Variants in PCDHGB4 observed in about 807,000 individuals in gnomAD.
PCDHGB4 encodes the protein protocadherin gamma-B4.
PCDHGB4 carries 38 observed loss-of-function variants against 60.5 expected under a neutral mutation model. The observed-to-expected ratio is 0.63, with a 90% confidence interval of 0.48 to 0.82. The LOEUF is 0.82. Among genes scored for constraint, PCDHGB4 ranks in the 40% least tolerant of loss-of-function variants. PCDHGB4 has a pLI of 0.00. For missense variants in PCDHGB4, 1,109 were observed against 1,209.6 expected (o/e 0.92, Z 1.23); for synonymous variants, 456 against 509.7 (o/e 0.89, Z 1.42).
chr5:141,421,530 C>A, intron 1 of PCDHGB4: 1 of 1,614,040 alleles, frequency 6.2e-7, no homozygotes, highest in Non-Finnish European at 8.5e-7. Context: ...AGACGGTGTC[C>A]TCCTGTTTTT....
At chr5:141,433,266 T>C in intron 1 of PCDHGB4, 1 of 1,315,306 alleles carries the variant, frequency 7.6e-7, no homozygotes, top group Non-Finnish European at 1.1e-6. Flanking sequence ...CGATCATAGC[T>C]CACTGCAGCC....
chr5:141,389,837 A>C lies in PCDHGB4; in HGVS notation c.1953A>C (p.Pro651=). The C allele has an allele frequency of 1.2e-6, 2 of 1,613,842 alleles. No individual in the cohort carries two copies. Among genetic ancestry groups the C allele is most frequent in the South Asian group, 2.2e-5 (2 of 91,066 alleles). The change falls in exon 1 of 4, where the codon CCA becomes CCC. Residue 651 remains proline (P), a synonymous_variant. Transcript: ENST00000519479. ...CCGTGCGTGACGGTGGACAGCCACC[A>C]CTCTCGGCCACTGCCACGTTGCACC... ...LVAVRDGGQP[P]LSATATLHLV...
Position 141,491,900 on chromosome 5 carries a change from G to T in PCDHGB4, c.2398-2907G>T. The T allele has an allele frequency of 7.0e-7, 1 of 1,429,936 alleles. No homozygotes were observed. The highest frequency in any genetic ancestry group is 1.5e-5 in the South Asian group (1 of 67,072). 88.6% of individuals were successfully genotyped at this position (1,429,936 alleles called of 1,614,324 possible). A position where few individuals can be genotyped will look rare whatever the true frequency, so the allele number is the denominator to read the frequency against. ...TAAGGGATGGGGCTCCGAGCACCGG[G>T]GGTGGTGGCGACTGTGGGCGAGGGG... On this transcript the variant is annotated intron_variant, in intron 1 of 3. Transcript: ENST00000519479. This position sits in a 1 kb window ranked among gnomAD's most constrained non-coding sequence, Gnocchi z 6.9.
At chr5:141,434,035 T>C (rs2154556047) in intron 1 of PCDHGB4, among the ~76,000 whole-genome samples, 1 of 152,316 alleles carries the variant, frequency 6.6e-6, no homozygotes, top group Non-Finnish European at 1.5e-5. Flanking sequence ...AAGCATGGTT[T>C]TCTATTTTAT....
intron 1 of PCDHGB4, chr5:141,415,357 C>T: frequency 6.2e-7 from 1 of 1,614,250 alleles, no homozygotes; most frequent in Non-Finnish European, 8.5e-7. Context: ...CAAGTCACGC[C>T]TGCTGCAGGC....
At position 141,388,940 on chromosome 5, in the gene PCDHGB4, C is replaced by A. The variant is rs762814414; in HGVS notation, c.1056C>A (p.Asn352Lys). The part of the protein sequence containing the change: ...APEVIFQSLP[N>K]LIMEDAELGT... ...AAGTGATATTCCAGTCTCTACCCAA[C>A]CTAATTATGGAGGACGCCGAGCTGG... Residue 352 changes from asparagine (N) to lysine (K), a missense_variant, in exon 1 of 4, where the codon AAC becomes AAA. Coordinates refer to ENST00000519479, the MANE Select transcript of PCDHGB4 (RefSeq NM_003736.4). 6.2e-7 allele frequency: 1 copy of A among 1,613,966 alleles called. No individual in the cohort carries two copies. The highest frequency in any genetic ancestry group is 1.1e-5 in the South Asian group (1 of 91,084).
chr5:141,458,464 G>A (rs1035826436), intron 1 of PCDHGB4, among the ~76,000 whole-genome samples: 30 of 152,030 alleles, frequency 2.0e-4, no homozygotes, highest in Admixed American at 9.8e-4. Flanking sequence ...TTAAAATACC[G>A]TACAACTGCA....
intron 1 of PCDHGB4, chr5:141,421,138 G>T (rs2096548427): frequency 1.1e-6 from 1 of 899,466 alleles, no homozygotes. Context: ...ATATATTTTG[G>T]ATGTAGTCGG....
intron 2 of PCDHGB4, among the ~76,000 whole-genome samples, chr5:141,499,689 C>CTTTTTTT (rs545067566): frequency 3.3e-5 from 4 of 119,856 alleles, no homozygotes; most frequent in Admixed American, 8.7e-5. Context: ...TAACAGATGA[C>CTTTTTTT]TTTTTTTTTT....
At chr5:141,494,736 T>C in intron 1 of PCDHGB4, 71 bp from the exon 2 acceptor site, 1 of 1,611,858 alleles carries the variant, frequency 6.2e-7, no homozygotes, top group Non-Finnish European at 8.5e-7. Context: ...TCCCGGCCCA[T>C]CCCTAGGGGC....
At chr5:141,462,984 T>G (rs1349170605) in intron 1 of PCDHGB4, among the ~76,000 whole-genome samples, 1 of 152,156 alleles carries the variant, frequency 6.6e-6, no homozygotes, top group African/African-American at 2.4e-5. Context: ...ACTTTTGCCT[T>G]GGGCTAATTT....
In PCDHGB4 at chr5:141,481,399, T is replaced by G. The variant is rs35677249; in HGVS notation, c.2398-13408T>G. 1.9e-3 allele frequency among the ~76,000 whole-genome samples: 284 copies of G among 152,356 alleles called. 1 individual carries two copies. Among genetic ancestry groups the G allele is most frequent in the Middle Eastern group, 0.01 (3 of 294 alleles). ...TTCTTTTTGGAGGGATGTGACAAAA[T>G]TCTTGTATAATTAGATTGTGATGAT... is the stretch of plus-strand genomic sequence containing the variant. On this transcript the variant is annotated intron_variant, in intron 1 of 3. Transcript: ENST00000519479.
chr5:141,448,524 T>C (rs1177408162), intron 1 of PCDHGB4, among the ~76,000 whole-genome samples: 1 of 152,194 alleles, frequency 6.6e-6, no homozygotes, highest in Non-Finnish European at 1.5e-5. Context: ...TTATTAAGCA[T>C]CCTGTCAGCA....
At chr5:141,406,025 G>A (rs1367856742) in intron 1 of PCDHGB4, among the ~76,000 whole-genome samples, 1 of 151,502 alleles carries the variant, frequency 6.6e-6, no homozygotes, top group Non-Finnish European at 1.5e-5. Flanking sequence ...TTTTGGGTAG[G>A]GTTGCTTCAT....
At chr5:141,402,434 A>C (rs2150931474) in intron 1 of PCDHGB4, among the ~76,000 whole-genome samples, 1 of 152,272 alleles carries the variant, frequency 6.6e-6, no homozygotes, top group East Asian at 1.9e-4. Flanking sequence ...AAGCATCATA[A>C]AAAGGAAATT....
chr5:141,487,485 G>A lies in PCDHGB4; in HGVS notation c.2398-7322G>A. On this transcript the variant is annotated intron_variant, in intron 1 of 3. Transcript: ENST00000519479. The surrounding 1 kb of genome is among the most constrained non-coding windows in gnomAD (Gnocchi z 5.0). ...GTTGATGTGGGAGGCCACTCTCATG[G>A]CTGTACACCCTTGGCTTCTGCACCC... The A allele has an allele frequency of 6.2e-7, 1 of 1,614,164 alleles. No homozygotes were observed. Among genetic ancestry groups the A allele is most frequent in the Non-Finnish European group, 8.5e-7 (1 of 1,180,030 alleles).
At chr5:141,469,233 C>T (rs2099194657) in intron 1 of PCDHGB4, among the ~76,000 whole-genome samples, 1 of 149,878 alleles carries the variant, frequency 6.7e-6, no homozygotes, top group African/African-American at 2.5e-5. Context: ...GCCATGATCA[C>T]CCCACTGCAC....
At chr5:141,415,686 G>A in intron 1 of PCDHGB4, 2 of 1,535,424 alleles carry the variant, frequency 1.3e-6, no homozygotes, top group Non-Finnish European at 1.8e-6. Context: ...GCGGCATGAT[G>A]GTGGAAAGTG....
intron 1 of PCDHGB4, among the ~76,000 whole-genome samples, chr5:141,448,700 G>A (rs2098601460): frequency 6.6e-6 from 1 of 152,106 alleles, no homozygotes; most frequent in African/African-American, 2.4e-5. Context: ...CAGCACTTTG[G>A]GAGGCCGAGG....
Sources: allele counts gnomAD v4.1 joint callset (sites outside exome capture counted in the v4.1 genomes callset), GRCh38; gene constraint gnomAD v4.1.1; non-coding constraint Gnocchi (gnomAD v3.1); transcripts MANE v1.5; gene names NCBI Gene and HGNC (gene_info 2026-07-23, HGNC 2026-07-21).